The following MROH7 variants were observed in gnomAD, a reference collection of about 807,000 sequenced individuals.
MROH7 encodes maestro heat like repeat family member 7, also known as maestro heat-like repeat-containing protein family member 7.
Under a neutral mutation model 129.2 loss-of-function variants are expected in MROH7, and 113 were observed. That is an observed-to-expected ratio of 0.87 (90% confidence interval 0.75 to 1.02). The LOEUF (loss-of-function observed/expected upper bound fraction) is 1.02. Ranked by LOEUF, MROH7 falls within the 50% of genes least tolerant of loss-of-function variation. The pLI, the probability that MROH7 is intolerant of heterozygous loss-of-function variation, is 0.00. For missense variants in MROH7, 1,601 were observed against 1,671.3 expected, an observed-to-expected ratio of 0.96 and a Z score of 0.73; for synonymous variants, 655 against 667.9, an observed-to-expected ratio of 0.98 and a Z score of 0.30.
chr1:54,671,069 A>G, intron 7 of MROH7, 140 bp downstream of exon 7: 1 of 957,584 alleles, frequency 1.0e-6, no homozygotes, highest in Non-Finnish European at 1.5e-6. Context: ...GTACTTGATA[A>G]ATGGTGAAGG....
At chr1:54,705,859 C>T (rs776279753) in intron 21 of MROH7, among the ~76,000 whole-genome samples, 2 of 152,166 alleles carry the variant, frequency 1.3e-5, no homozygotes, top group Non-Finnish European at 2.9e-5. Context: ...CATCTTCTCC[C>T]TCAACAGCTC....
At chr1:54,676,868 C>T (rs548653527) in intron 10 of MROH7, among the ~76,000 whole-genome samples, 2 of 151,946 alleles carry the variant, frequency 1.3e-5, no homozygotes, top group East Asian at 3.9e-4. Context: ...ACTACCGTGC[C>T]TGGCTAATTT....
intron 3 of MROH7, among the ~76,000 whole-genome samples, chr1:54,658,839 C>G (rs899816502): frequency 6.6e-6 from 1 of 151,946 alleles, no homozygotes; most frequent in South Asian, 2.1e-4. Context: ...TGAAATGCAC[C>G]CATCCCTAGA....
chr1:54,685,599 G>A (rs972174663), intron 14 of MROH7, among the ~76,000 whole-genome samples: 3 of 152,196 alleles, frequency 2.0e-5, no homozygotes, highest in Non-Finnish European at 2.9e-5. Context: ...GTGGGCCCAG[G>A]CCAGGTCCAG....
At chr1:54,701,405 C>T (rs930622056) in intron 19 of MROH7, 83 bp downstream of exon 19, 3 of 1,261,328 alleles carry the variant, frequency 2.4e-6, no homozygotes, top group Non-Finnish European at 3.2e-6. Flanking sequence ...TCCACCTGTG[C>T]CCCCATCAGG....
chr1:54,661,933 T>G (rs980033292), intron 3 of MROH7, among the ~76,000 whole-genome samples: 3 of 151,942 alleles, frequency 2.0e-5, no homozygotes, highest in African/African-American at 4.8e-5. Context: ...AAAACCAACC[T>G]AGGGCTGGGC....
chr1:54,692,860 A>G (rs1201280171), intron 16 of MROH7, among the ~76,000 whole-genome samples: 1 of 152,220 alleles, frequency 6.6e-6, no homozygotes, highest in African/African-American at 2.4e-5. Context: ...ATGGTGGTAT[A>G]ACCAAGTTGT....
chr1:54,644,396 G>A (rs948477538), intron 1 of MROH7, among the ~76,000 whole-genome samples: 1 of 150,818 alleles, frequency 6.6e-6, no homozygotes, highest in African/African-American at 2.4e-5. Context: ...AGACTGGAGT[G>A]TAGTGGCATG....
intron 10 of MROH7, among the ~76,000 whole-genome samples, chr1:54,674,599 T>C (rs114589274): frequency 1.3e-5 from 2 of 152,202 alleles, no homozygotes; most frequent in African/African-American, 4.8e-5. Context: ...TGAATATCTA[T>C]TGAATGAATG....
chr1:54,682,832 C>A, intron 14 of MROH7, 38 bp downstream of exon 14: 1 of 1,594,390 alleles, frequency 6.3e-7, no homozygotes, highest in Admixed American at 1.7e-5. Context: ...TGCTGCCTGT[C>A]CTGCCCTTCC....
rs77310285 is a variant in MROH7 at position 54,652,753 on chromosome 1, G to A, written c.-74-100G>A. 73 of 844,976 alleles carry A rather than the reference G, an allele frequency of 8.6e-5. No homozygotes were observed. The East Asian group carries it at 1.9e-3, about 22-fold the overall frequency. 52.3% of individuals were successfully genotyped at this position (844,976 alleles called of 1,614,324 possible). A position where few individuals can be genotyped will look rare whatever the true frequency, so the allele number is the denominator to read the frequency against. On this transcript the variant is annotated intron_variant, in intron 2 of 23. Coordinates refer to ENST00000421030, the MANE Select transcript of MROH7 (RefSeq NM_001039464.4). Reference sequence around the variant, plus strand: ...GGCTGGGCACAGTCACCAGGGCCTTGTAAGTCACAGCAAGGGGCTTTCATC... The same window carrying A: ...GGCTGGGCACAGTCACCAGGGCCTTATAAGTCACAGCAAGGGGCTTTCATC...
At chr1:54,669,345 C>T (rs1644860300) in intron 5 of MROH7, among the ~76,000 whole-genome samples, 1 of 152,132 alleles carries the variant, frequency 6.6e-6, no homozygotes, top group Non-Finnish European at 1.5e-5. Flanking sequence ...GTCACTCCAC[C>T]AGAATGGACT....
At chr1:54,681,062 G>A (rs1482251081) in intron 13 of MROH7, among the ~76,000 whole-genome samples, 6 of 152,114 alleles carry the variant, frequency 3.9e-5, no homozygotes, top group South Asian at 2.1e-4. Context: ...TCCTCCTTGC[G>A]GGGGTCCTTG....
chr1:54,678,959 G>A, intron 11 of MROH7, 105 bp downstream of exon 11: 1 of 945,468 alleles, frequency 1.1e-6, no homozygotes, highest in Non-Finnish European at 1.7e-6. Context: ...GGCTTTGCAG[G>A]ACGCCTTCCC....
chr1:54,648,387 C>G (rs538265957), intron 1 of MROH7, among the ~76,000 whole-genome samples: 1 of 121,920 alleles, frequency 8.2e-6, no homozygotes, highest in Admixed American at 8.0e-5. Context: ...TTTTTTGAGA[C>G]GGAGTTTCGC....
chr1:54,678,815 C>T lies in MROH7; in HGVS notation c.2010C>T (p.Asn670=). 2 of 1,613,874 alleles carry T rather than the reference C, an allele frequency of 1.2e-6. No homozygotes were observed. Among genetic ancestry groups the T allele is most frequent in the South Asian group, 1.1e-5 (1 of 91,070 alleles). The change falls in exon 11 of 24, where the codon AAC becomes AAT. Residue 670 remains asparagine (N), a synonymous_variant. Transcript: ENST00000421030. ...ESNKHFLGPY[N]PVSPCQNILR... is the part of the protein sequence containing the mutation. ...ACAAGCATTTCCTGGGGCCCTACAA[C>T]CCTGTGAGCCCGTGCCAGAACATTC...
intron 16 of MROH7, among the ~76,000 whole-genome samples, chr1:54,695,005 G>C (rs1645297883): frequency 6.6e-6 from 1 of 152,206 alleles, no homozygotes; most frequent in Non-Finnish European, 1.5e-5. Flanking sequence ...GGATCAGATG[G>C]AGTAACAATG....
chr1:54,704,907 C>T (rs761432471), intron 21 of MROH7, among the ~76,000 whole-genome samples: 18 of 139,906 alleles, frequency 1.3e-4, no homozygotes, highest in Non-Finnish European at 2.3e-4. Context: ...TCAAGTGATT[C>T]TCCTGCCTCA....
At chr1:54,645,835 T>C (rs1394941543) in intron 1 of MROH7, among the ~76,000 whole-genome samples, 4 of 151,858 alleles carry the variant, frequency 2.6e-5, no homozygotes, top group Admixed American at 2.6e-4. Flanking sequence ...GTATTTTCTG[T>C]AGGGATGGGA....
Sources: allele counts gnomAD v4.1 joint callset (sites outside exome capture counted in the v4.1 genomes callset), GRCh38; gene constraint gnomAD v4.1.1; transcripts MANE v1.5; gene names NCBI Gene and HGNC (gene_info 2026-07-23, HGNC 2026-07-21).